ABCB5: variants seen among roughly 807,000 people sequenced by gnomAD.
ABCB5 encodes ATP binding cassette subfamily B member 5, also known as ATP-binding cassette sub-family B member 5.
ABCB5 carries 155 observed loss-of-function variants against 144.2 expected under a neutral mutation model. The observed-to-expected ratio is 1.08, with a 90% confidence interval of 0.94 to 1.23. The LOEUF is 1.23. ABCB5 is among the 50% of genes most tolerant of loss of function. The pLI is 0.00. For synonymous variants in ABCB5, 610 were observed against 528.6 expected, an observed-to-expected ratio of 1.15 and a Z score of -2.11; for missense variants, 1,830 against 1,520.8, an observed-to-expected ratio of 1.20 and a Z score of -3.38.
chr7:20,681,120 C>CTTTCT (rs1562559380), intron 14 of ABCB5, among the ~76,000 whole-genome samples: 1 of 87,888 alleles, frequency 1.1e-5, no homozygotes, highest in African/African-American at 4.0e-5. Flanking sequence ...TTCTTTCTTT[C>CTTTCT]TTTCTTTTTC....
chr7:20,751,651 G>T (rs1782934221), intron 26 of ABCB5, among the ~76,000 whole-genome samples: 1 of 151,972 alleles, frequency 6.6e-6, no homozygotes, highest in African/African-American at 2.4e-5. Flanking sequence ...TGGCAGAAAG[G>T]GCTACGAGCT....
At chr7:20,636,547 G>T (rs943396924) in intron 5 of ABCB5, among the ~76,000 whole-genome samples, 6 of 151,982 alleles carry the variant, frequency 3.9e-5, no homozygotes, top group African/African-American at 4.8e-5. Context: ...CATTTTAGGA[G>T]GCTGAGGCAG....
rs770279129 is a variant in ABCB5 at position 20,698,393 on chromosome 7, T to C, written c.2011-14T>C. ...CACAAACTGGCATTTTTAACCAACA[T>C]ATTTTATTTTTAGATAAGTCTTCCT... On this transcript the variant is annotated splice_polypyrimidine_tract_variant and intron_variant, in intron 16 of 27. Transcript: ENST00000404938. The C allele has an allele frequency of 1.3e-6, 2 of 1,555,344 alleles. No homozygotes were observed. The highest frequency in any genetic ancestry group is 2.3e-5 in the East Asian group (1 of 44,020).
chr7:20,736,273 A>G (rs1782376900), intron 23 of ABCB5, among the ~76,000 whole-genome samples: 2 of 152,078 alleles, frequency 1.3e-5, no homozygotes, highest in African/African-American at 4.8e-5. Context: ...GCTGGAGTGC[A>G]GTGACGTGAT....
intron 14 of ABCB5, among the ~76,000 whole-genome samples, chr7:20,674,785 A>AC (rs1562555755): frequency 2.2e-4 from 27 of 120,476 alleles, no homozygotes; most frequent in Non-Finnish European, 4.2e-4. Flanking sequence ...CACACACACA[A>AC]ACTGTTAGAA....
intron 14 of ABCB5, among the ~76,000 whole-genome samples, chr7:20,662,165 G>A (rs546748457): frequency 6.6e-6 from 1 of 152,110 alleles, no homozygotes; most frequent in Admixed American, 6.5e-5. Flanking sequence ...AGGGAGTTTC[G>A]GCCACACCAC....
intron 5 of ABCB5, among the ~76,000 whole-genome samples, chr7:20,636,982 A>G (rs559263133): frequency 6.6e-6 from 1 of 152,266 alleles, no homozygotes; most frequent in Admixed American, 6.5e-5. Flanking sequence ...GGATACATAC[A>G]TGACAAATAC....
chr7:20,746,710 C>T (rs1782735162), intron 26 of ABCB5, among the ~76,000 whole-genome samples: 1 of 152,066 alleles, frequency 6.6e-6, no homozygotes, highest in Non-Finnish European at 1.5e-5. Flanking sequence ...GATACAAATC[C>T]AAAAACAGTG....
intron 14 of ABCB5, 119 bp downstream of exon 14, chr7:20,658,795 G>T (rs757649631): frequency 4.0e-6 from 5 of 1,245,484 alleles, no homozygotes; most frequent in Non-Finnish European, 4.4e-6. Flanking sequence ...AGGTATAAAG[G>T]CAGGATGTTA....
Position 20,645,803 on chromosome 7 carries a change from T to C in ABCB5, c.726T>C (p.Ala242=). ...AGGAATTAAGTGCCTATTCCAAAGC[T>C]GGGGCTGTGGCAGAAGAAGTCTTGT... is the stretch of plus-strand genomic sequence containing the variant. The part of the protein sequence containing the change: ...TSKELSAYSK[A]GAVAEEVLSS... The change falls in exon 8 of 28, where the codon GCT becomes GCC. Residue 242 remains alanine, a synonymous_variant. Transcript: ENST00000404938. 2 of 1,613,844 alleles carry C rather than the reference T, an allele frequency of 1.2e-6. No individual in the cohort carries two copies. Among genetic ancestry groups the C allele is most frequent in the Middle Eastern group, 3.3e-4 (2 of 6,062 alleles).
At chr7:20,663,564 C>T (rs1369325244) in intron 14 of ABCB5, among the ~76,000 whole-genome samples, 4 of 151,820 alleles carry the variant, frequency 2.6e-5, no homozygotes, top group African/African-American at 4.8e-5. Context: ...AGTAGAAGAG[C>T]GGTTACTAGG....
In ABCB5 at chr7:20,645,942, T is replaced by G; in HGVS notation, c.804-19T>G. On this transcript the variant is annotated intron_variant, in intron 8 of 27. Coordinates refer to ENST00000404938, the MANE Select transcript of ABCB5 (RefSeq NM_001163941.2). Reference sequence around the variant, plus strand: ...TTATTTTCCCCAGTGGCTACTAAGTTGTGTTCTGTTTTTGTAAGGTATACA... The same window carrying G: ...TTATTTTCCCCAGTGGCTACTAAGTGGTGTTCTGTTTTTGTAAGGTATACA... 1.2e-6 allele frequency: 2 copies of G among 1,612,676 alleles called. No individual in the cohort carries two copies. Among genetic ancestry groups the G allele is most frequent in the Non-Finnish European group, 1.7e-6 (2 of 1,179,386 alleles).
intron 20 of ABCB5, 135 bp from the exon 21 acceptor site, chr7:20,722,881 A>G (rs1377610240): frequency 1.4e-5 from 9 of 660,618 alleles, no homozygotes; most frequent in Admixed American, 6.0e-5. Flanking sequence ...ATCTCAAAGT[A>G]TAAATTCAAG....
intron 14 of ABCB5, chr7:20,666,990 C>A: frequency 1.2e-6 from 1 of 830,494 alleles, no homozygotes; most frequent in South Asian, 2.9e-5. Context: ...TGTTGTTGTT[C>A]ACTATGAGGA....
rs201271292 is a variant in ABCB5, at chr7:20,627,720, A to G, written c.109-968A>G. 2.0e-5 allele frequency among the ~76,000 whole-genome samples: 3 copies of G among 151,264 alleles called. No individual in the cohort carries two copies. In the East Asian group the frequency reaches 5.8e-4, roughly 29 times the overall value. On this transcript the variant is annotated intron_variant, in intron 3 of 27. Transcript: ENST00000404938. ...ACAGGATAGGCATTGTTCTGTGTAGAAAAAAAAATCTAAGGAATTTAAAAT... is the reference window on the plus strand; with the variant it reads ...ACAGGATAGGCATTGTTCTGTGTAGGAAAAAAAATCTAAGGAATTTAAAAT...
At chr7:20,629,691 G>A (rs529311855) in intron 4 of ABCB5, among the ~76,000 whole-genome samples, 15 of 152,188 alleles carry the variant, frequency 9.9e-5, no homozygotes, top group Admixed American at 2.6e-4. Context: ...GAACCCAGGA[G>A]GCAGAGGTTG....
chr7:20,680,496 G>C lies in ABCB5; in HGVS notation c.1708-1009G>C, dbSNP rs148710960. ...GCTGAGGCAGAATGGCGTGAACCCG[G>C]GAGACGGAGCTTGCAGTGAGCCGAG... On this transcript the variant is annotated intron_variant, in intron 14 of 27. Transcript: ENST00000404938. Among the ~76,000 whole-genome samples, 613 of 151,950 alleles carry C rather than the reference G, an allele frequency of 4.0e-3. 2 individuals carry two copies. The highest frequency in any genetic ancestry group is 0.014 in the African/African-American group (583 of 41,416).
chr7:20,621,758 A>C (rs534448929), intron 1 of ABCB5, among the ~76,000 whole-genome samples: 2 of 152,292 alleles, frequency 1.3e-5, no homozygotes, highest in South Asian at 2.1e-4. Flanking sequence ...AGCAATAATA[A>C]AGTAATAAAA....
intron 15 of ABCB5, among the ~76,000 whole-genome samples, chr7:20,683,519 A>G (rs1471818003): frequency 6.6e-6 from 1 of 152,104 alleles, no homozygotes; most frequent in Non-Finnish European, 1.5e-5. Flanking sequence ...GTACATCTTT[A>G]TTTTTTATTG....
Sources: gnomAD v4.1 joint callset for allele counts (sites outside exome capture counted in the v4.1 genomes callset) on GRCh38, gnomAD v4.1.1 for gene constraint, MANE v1.5 for transcripts, NCBI Gene and HGNC (gene_info 2026-07-23, HGNC 2026-07-21) for gene names.